Variants in STPG2 observed in about 807,000 individuals in gnomAD.
STPG2 encodes sperm-tail PG-rich repeat-containing protein 2.
A neutral mutation model predicts 54.2 loss-of-function variants in STPG2; 56 were observed. The observed-to-expected ratio is 1.03, with a 90% CI of 0.83 to 1.29. The LOEUF (loss-of-function observed/expected upper bound fraction) is 1.29. STPG2 is among the 50% of genes most tolerant of loss of function. The pLI is 0.00. For synonymous variants in STPG2, 200 were observed against 181.8 expected (o/e 1.10, Z -0.81); for missense variants, 596 against 544.9 (o/e 1.09, Z -0.93).
chr4:98,101,846 C>A (rs1739045701), intron 5 of STPG2, among the ~76,000 whole-genome samples: 1 of 151,658 alleles, frequency 6.6e-6, no homozygotes, highest in African/African-American at 2.4e-5. Context: ...CCATGAATCC[C>A]CTTATGATTT....
At chr4:97,799,278 C>T (rs1385781062) in intron 9 of STPG2, among the ~76,000 whole-genome samples, 6 of 152,170 alleles carry the variant, frequency 3.9e-5, no homozygotes, top group Non-Finnish European at 5.9e-5. Context: ...TTCCTAGCAT[C>T]GATGGTCTTT....
chr4:97,767,057 C>T (rs1198842933), intron 9 of STPG2, among the ~76,000 whole-genome samples: 2 of 151,810 alleles, frequency 1.3e-5, no homozygotes, highest in African/African-American at 4.8e-5. Flanking sequence ...GCAACACAAG[C>T]AATTTTTGAT....
chr4:97,810,569 G>A (rs1727705789), intron 9 of STPG2, among the ~76,000 whole-genome samples: 1 of 151,936 alleles, frequency 6.6e-6, no homozygotes, highest in Non-Finnish European at 1.5e-5. Context: ...CTTCCCATGA[G>A]TCAGGCTCTG....
At chr4:97,771,597 G>A (rs1726222325) in intron 9 of STPG2, among the ~76,000 whole-genome samples, 2 of 152,190 alleles carry the variant, frequency 1.3e-5, no homozygotes, top group Admixed American at 1.3e-4. Context: ...TAGAAGGAAT[G>A]GGGTTTCCGA....
intron 10 of STPG2, among the ~76,000 whole-genome samples, chr4:97,621,133 A>G (rs559256672): frequency 6.6e-6 from 1 of 152,230 alleles, no homozygotes; most frequent in Non-Finnish European, 1.5e-5. Flanking sequence ...GGGACACGCT[A>G]AGGCAATGTT....
chr4:97,595,612 CA>C (rs1381082775), intron 10 of STPG2, among the ~76,000 whole-genome samples: 1 of 150,098 alleles, frequency 6.7e-6, no homozygotes, highest in African/African-American at 2.4e-5. Context: ...AATAAAAAAA[CA>C]AAAAAAGAAA....
intron 1 of STPG2, 143 bp from the exon 2 acceptor site, chr4:98,134,602 C>T (rs558977864): frequency 8.8e-6 from 3 of 342,000 alleles, no homozygotes; most frequent in Non-Finnish European, 1.6e-5. Context: ...GAAGTTATTA[C>T]ATTTTTTAAA....
At chr4:97,813,016 T>G (rs1362710652) in intron 9 of STPG2, among the ~76,000 whole-genome samples, 1 of 152,132 alleles carries the variant, frequency 6.6e-6, no homozygotes, top group Non-Finnish European at 1.5e-5. Context: ...CTCATTTCCA[T>G]ACACATACAA....
At chr4:97,992,551 C>A (rs1296544199) in intron 5 of STPG2, among the ~76,000 whole-genome samples, 1 of 151,970 alleles carries the variant, frequency 6.6e-6, no homozygotes, top group Non-Finnish European at 1.5e-5. Flanking sequence ...CAGATTTGTT[C>A]TTTTTGCTTA....
intron 1 of STPG2, among the ~76,000 whole-genome samples, chr4:98,141,245 T>G (rs1167455603): frequency 6.6e-6 from 1 of 152,206 alleles, no homozygotes; most frequent in African/African-American, 2.4e-5. Flanking sequence ...ATATATTTCC[T>G]TGCCATACCT....
chr4:98,027,808 C>T (rs1414874161), intron 5 of STPG2, among the ~76,000 whole-genome samples: 1 of 152,190 alleles, frequency 6.6e-6, no homozygotes, highest in African/African-American at 2.4e-5. Context: ...AATAGCATTG[C>T]TTTCAGCATA....
chr4:97,904,369 T>C (rs1273312551), intron 8 of STPG2, among the ~76,000 whole-genome samples: 1 of 152,094 alleles, frequency 6.6e-6, no homozygotes, highest in Non-Finnish European at 1.5e-5. Flanking sequence ...GGCCAGGTAC[T>C]CCAACAGACC....
chr4:97,839,591 C>G (rs988035455), intron 9 of STPG2, among the ~76,000 whole-genome samples: 2 of 151,552 alleles, frequency 1.3e-5, no homozygotes, highest in African/African-American at 4.8e-5. Context: ...TGAGTGTAAT[C>G]AGGGACACAC....
intron 4 of STPG2, among the ~76,000 whole-genome samples, chr4:97,538,925 T>G (rs1379340956): frequency 2.0e-5 from 3 of 152,212 alleles, no homozygotes; most frequent in Non-Finnish European, 2.9e-5. Context: ...ACCCAGAATT[T>G]CATATCCAGC....
chr4:97,560,574 G>A (rs1029311859), intron 10 of STPG2, among the ~76,000 whole-genome samples: 1 of 152,158 alleles, frequency 6.6e-6, no homozygotes, highest in Non-Finnish European at 1.5e-5. Flanking sequence ...GGAGATGAGT[G>A]TCCACTGTTA....
At chr4:97,804,281 C>T (rs1376455075) in intron 9 of STPG2, among the ~76,000 whole-genome samples, 5 of 152,042 alleles carry the variant, frequency 3.3e-5, no homozygotes, top group Admixed American at 3.3e-4. Context: ...ATGTCTTGGT[C>T]AATGATGAAC....
chr4:97,981,317 C>T lies in STPG2; in HGVS notation c.614G>A (p.Arg205Lys), dbSNP rs774461484. The T allele has an allele frequency of 1.2e-6, 2 of 1,613,536 alleles. No individual in the cohort carries two copies. Among genetic ancestry groups the T allele is most frequent in the Non-Finnish European group, 8.5e-7 (1 of 1,179,802 alleles). ...GGTGATTGATTTCATAGGTAAAAAT[C>T]TCTAGTGAAGAACAGGAAAATATGC... is the stretch of plus-strand genomic sequence containing the variant. ...EIIVLQEKKK[R>K]FLPMKSITPA... Residue 205 changes from arginine (R) to lysine (K), a missense_variant and splice_region_variant, in exon 6 of 11, where the codon AGA becomes AAA. Arg to Lys is a conservative substitution (Grantham distance 26). Transcript: ENST00000295268.
At chr4:97,447,131 T>G (rs936947519) in intron 4 of STPG2, among the ~76,000 whole-genome samples, 2 of 152,190 alleles carry the variant, frequency 1.3e-5, no homozygotes, top group African/African-American at 4.8e-5. Flanking sequence ...CATTGGGAAC[T>G]GGAGTAAAGA....
chr4:97,550,774 C>T (rs915582388), intron 4 of STPG2, among the ~76,000 whole-genome samples: 12 of 151,888 alleles, frequency 7.9e-5, no homozygotes, highest in African/African-American at 2.2e-4. Context: ...TTCGTGGTCT[C>T]GCTTGACTTC....
Sources: allele counts gnomAD v4.1 joint callset (sites outside exome capture counted in the v4.1 genomes callset), GRCh38; gene constraint gnomAD v4.1.1; transcripts MANE v1.5; gene names NCBI Gene and HGNC (gene_info 2026-07-23, HGNC 2026-07-21).